STX8: variants seen among roughly 807,000 people sequenced by gnomAD.
STX8 encodes the protein syntaxin-8.
In STX8, 23 loss-of-function variants were observed where a neutral mutation model predicts 37.5. That is an observed-to-expected ratio of 0.61 (90% CI 0.44 to 0.87). The LOEUF is 0.87. Among genes scored for constraint, STX8 ranks in the 40% least tolerant of loss-of-function variants. The pLI, the probability that STX8 is intolerant of heterozygous loss-of-function variation, is 0.00. For synonymous variants in STX8, 115 were observed against 99.1 expected (o/e 1.16, Z -0.95); for missense variants, 313 against 284.7 (o/e 1.10, Z -0.71).
chr17:9,571,924 A>G (rs1294174787), intron 1 of STX8, among the ~76,000 whole-genome samples: 1 of 152,072 alleles, frequency 6.6e-6, no homozygotes, highest in Non-Finnish European at 1.5e-5. Flanking sequence ...CAAAATTAAA[A>G]AAAAAAAAGG....
At chr17:9,479,482 T>A (rs1906228786) in intron 6 of STX8, among the ~76,000 whole-genome samples, 2 of 151,276 alleles carry the variant, frequency 1.3e-5, no homozygotes, top group African/African-American at 4.8e-5. Flanking sequence ...TGCAGTGAGC[T>A]GAGATCGTGC....
intron 6 of STX8, chr17:9,467,294 A>C (rs1181336753): frequency 1.3e-5 from 2 of 152,218 alleles, no homozygotes; most frequent in Non-Finnish European, 2.9e-5. Flanking sequence ...ACAGAAGTTA[A>C]GTAATTTGCC....
chr17:9,446,845 T>C (rs958127642), intron 6 of STX8, among the ~76,000 whole-genome samples: 1 of 152,206 alleles, frequency 6.6e-6, no homozygotes. Context: ...CAAAACAGTT[T>C]GTTTTGTAAC....
At chr17:9,468,829 G>A (rs562683735) in intron 6 of STX8, among the ~76,000 whole-genome samples, 32 of 152,232 alleles carry the variant, frequency 2.1e-4, no homozygotes, top group South Asian at 2.1e-4. Context: ...TTCGGCACCC[G>A]GGCTTCCCAG....
intron 7 of STX8, among the ~76,000 whole-genome samples, chr17:9,357,545 A>C (rs1285774857): frequency 3.3e-5 from 5 of 151,924 alleles, no homozygotes; most frequent in Admixed American, 3.3e-4. Flanking sequence ...AAAATACAAA[A>C]AGTAGCTGAG....
chr17:9,285,467 C>T (rs1173597302), intron 7 of STX8, among the ~76,000 whole-genome samples: 2 of 151,902 alleles, frequency 1.3e-5, no homozygotes, highest in Admixed American at 1.3e-4. Context: ...CTACCTGAGG[C>T]CCTGGACTGC....
At position 9,575,802 on chromosome 17, in the gene STX8, G is replaced by A. The variant is rs556590692; in HGVS notation, c.7C>T (p.Pro3Ser). ...TCACCCGGGACTCACCAGGGGTCCG[G>A]TGCCATCCTGCAGACTCCGCCCGCC... The part of the protein sequence containing the change: MA[P>S]DPWFSTYDST... The change falls in exon 1 of 8, where the codon CCG becomes TCG. Residue 3 changes from proline (P) to serine (S), a missense_variant. Transcript: ENST00000306357. 63 of 1,542,148 alleles carry A rather than the reference G, an allele frequency of 4.1e-5. No individual in the cohort carries two copies. The Admixed American group carries it at 1.0e-3, about 25-fold the overall frequency.
At chr17:9,295,977 T>G (rs1466532240) in intron 7 of STX8, among the ~76,000 whole-genome samples, 3 of 151,154 alleles carry the variant, frequency 2.0e-5, no homozygotes, top group African/African-American at 4.9e-5. Context: ...GATCACGAGG[T>G]CAGGAGATTG....
rs567558469 is a variant in STX8 at position 9,335,740 on chromosome 17, C to A, written c.643+42812G>T. 1.3e-4 allele frequency among the ~76,000 whole-genome samples: 19 copies of A among 151,772 alleles called. No homozygotes were observed. In the South Asian group the frequency reaches 3.7e-3, roughly 30 times the overall value. ...AGATAATATATGAGCTAGATCTTTA[C>A]CTCAAGAATTTCGAAAAATAAATTA... On this transcript the variant is annotated intron_variant, in intron 7 of 7. Coordinates refer to ENST00000306357, the MANE Select transcript of STX8 (RefSeq NM_004853.3).
At chr17:9,284,444 T>C (rs766733832) in intron 7 of STX8, among the ~76,000 whole-genome samples, 1 of 152,220 alleles carries the variant, frequency 6.6e-6, no homozygotes, top group African/African-American at 2.4e-5. Context: ...TTCTTCTCAA[T>C]TCATACAGCA....
chr17:9,353,271 T>C (rs1343337205), intron 7 of STX8, among the ~76,000 whole-genome samples: 1 of 152,198 alleles, frequency 6.6e-6, no homozygotes, highest in African/African-American at 2.4e-5. Flanking sequence ...GCTTCCTTGA[T>C]CTCAGACCCA....
chr17:9,559,760 A>ATATATATT, intron 2 of STX8, among the ~76,000 whole-genome samples: 9 of 24,496 alleles, frequency 3.7e-4, no homozygotes, highest in Admixed American at 9.7e-4. Flanking sequence ...ATATATATAT[A>ATATATATT]TTTTTTTTTT....
chr17:9,303,573 G>A (rs377560369), intron 7 of STX8, among the ~76,000 whole-genome samples: 4 of 151,916 alleles, frequency 2.6e-5, no homozygotes, highest in East Asian at 1.9e-4. Context: ...ATGTGATTTC[G>A]CCACACATAA....
At chr17:9,353,705 C>T (rs551963886) in intron 7 of STX8, among the ~76,000 whole-genome samples, 5 of 152,272 alleles carry the variant, frequency 3.3e-5, no homozygotes, top group African/African-American at 1.2e-4. Flanking sequence ...AATTCAATGT[C>T]CTTAAAAATA....
At chr17:9,384,895 G>C (rs1911938992) in intron 6 of STX8, among the ~76,000 whole-genome samples, 1 of 149,136 alleles carries the variant, frequency 6.7e-6, no homozygotes, top group African/African-American at 2.5e-5. Context: ...TGGAAAAACT[G>C]GATATATGTA....
In STX8 at chr17:9,547,782, CT is replaced by C. The variant is rs201145334; in HGVS notation, c.213-2501del. Among the ~76,000 whole-genome samples the C allele has an allele frequency of 4.9e-3, 632 of 130,008 alleles. 5 individuals carry two copies. The highest frequency in any genetic ancestry group is 0.014 in the African/African-American group (424 of 30,494). The allele number at this position is 130,008 out of a possible 152,430, so 85.3% of individuals were successfully genotyped here. ...ACATTCTTTCCTTTTCTTTTCTTTT[CT>C]TTTTTTTTTTTTTGTTTTGTTTTGT... On this transcript the variant is annotated intron_variant, in intron 3 of 7. Transcript: ENST00000306357.
chr17:9,486,353 T>C (rs992221673), intron 6 of STX8, among the ~76,000 whole-genome samples: 1 of 152,140 alleles, frequency 6.6e-6, no homozygotes, highest in African/African-American at 2.4e-5. Context: ...AAAGGATTGG[T>C]CAATTTGGGA....
intron 3 of STX8, among the ~76,000 whole-genome samples, chr17:9,546,904 TTTG>T (rs143348310): frequency 0.36 from 53,608 of 148,546 alleles, 9,862 homozygotes; most frequent in South Asian, 0.49. Flanking sequence ...GACACAAGTT[TTTG>T]TTTGTTTGTT....
chr17:9,438,419 C>T (rs1045038668), intron 6 of STX8, among the ~76,000 whole-genome samples: 3 of 151,812 alleles, frequency 2.0e-5, no homozygotes, highest in African/African-American at 7.3e-5. Flanking sequence ...CTCTCAGGTC[C>T]CACCTTGGCC....
Sources: gnomAD v4.1 joint callset for allele counts (sites outside exome capture counted in the v4.1 genomes callset) on GRCh38, gnomAD v4.1.1 for gene constraint, MANE v1.5 for transcripts, NCBI Gene and HGNC (gene_info 2026-07-23, HGNC 2026-07-21) for gene names.